DCDC1: variants seen among roughly 807,000 people sequenced by gnomAD.
The protein encoded by DCDC1 is doublecortin domain-containing protein 1.
Under a neutral mutation model 178.3 loss-of-function variants are expected in DCDC1, and 200 were observed. The ratio of observed to expected loss-of-function variants is 1.12; its 90% CI spans 1.00 to 1.26. DCDC1 has a LOEUF of 1.26. DCDC1 is among the 50% of genes most tolerant of loss of function. The pLI is 0.00. For synonymous variants in DCDC1, 690 were observed against 604.8 expected (o/e 1.14, Z -2.07); for missense variants, 1,983 against 1,749.2 (o/e 1.13, Z -2.38).
Position 31,279,082 on chromosome 11 carries a change from G to T in DCDC1, c.960+11565C>A, listed in dbSNP as rs193035080. On this transcript the variant is annotated intron_variant, in intron 7 of 38. Transcript: ENST00000684477. ...CATCATAATAATTTTGAAGTTTCCA[G>T]TCCATGAACATGGTATATCTCTTGG... Among the ~76,000 whole-genome samples, 318 of 152,226 alleles carry T rather than the reference G, an allele frequency of 2.1e-3. 2 individuals are homozygous for T. Among genetic ancestry groups the T allele is most frequent in the African/African-American group, 7.2e-3 (300 of 41,552 alleles).
Position 30,865,119 on chromosome 11 carries a change from C to G in DCDC1, c.*254G>C, listed in dbSNP as rs1464087443. On this transcript the variant is annotated 3_prime_UTR_variant, in exon 39 of 39. Coordinates refer to ENST00000684477, the MANE Select transcript of DCDC1 (RefSeq NM_001387274.1). ...GAGCAGTCTGTTAGAGTTGCATTCT[C>G]AGACTAATATCTTTACAGTCTTGAG... is the stretch of plus-strand genomic sequence containing the variant. 2 of 152,152 alleles carry G rather than the reference C, an allele frequency of 1.3e-5. No homozygotes were observed. Among genetic ancestry groups the G allele is most frequent in the Non-Finnish European group, 2.9e-5 (2 of 68,032 alleles). 9.4% of individuals were successfully genotyped at this position (152,152 alleles called of 1,614,324 possible).
chr11:31,072,606 C>T (rs1050371624), intron 18 of DCDC1, among the ~76,000 whole-genome samples: 8 of 151,936 alleles, frequency 5.3e-5, no homozygotes, highest in African/African-American at 1.9e-4. Flanking sequence ...ACGTTTAAAT[C>T]TTTAATTTAG....
intron 9 of DCDC1, among the ~76,000 whole-genome samples, chr11:31,208,994 T>C (rs915329458): frequency 6.6e-6 from 1 of 152,190 alleles, no homozygotes; most frequent in Non-Finnish European, 1.5e-5. Context: ...TTTAAGGCAA[T>C]AACTCAGCCT....
At chr11:31,114,311 A>G (rs1223669433) in intron 11 of DCDC1, among the ~76,000 whole-genome samples, 1 of 152,176 alleles carries the variant, frequency 6.6e-6, no homozygotes, top group Non-Finnish European at 1.5e-5. Context: ...GTTAAAATAC[A>G]TTACATTTGC....
At chr11:30,993,087 T>A (rs893710830) in intron 20 of DCDC1, among the ~76,000 whole-genome samples, 1 of 151,630 alleles carries the variant, frequency 6.6e-6, no homozygotes, top group Admixed American at 6.6e-5. Context: ...TGAAAAAAAA[T>A]TATATAAAAA....
intron 20 of DCDC1, among the ~76,000 whole-genome samples, chr11:31,008,832 T>C (rs1339959589): frequency 6.6e-6 from 1 of 152,152 alleles, no homozygotes; most frequent in African/African-American, 2.4e-5. Flanking sequence ...TTTTCATTTA[T>C]TGTAGAAAAT....
At chr11:31,284,440 C>T (rs1442913068) in intron 7 of DCDC1, among the ~76,000 whole-genome samples, 1 of 151,862 alleles carries the variant, frequency 6.6e-6, no homozygotes, top group African/African-American at 2.4e-5. Flanking sequence ...TCCAGAAACT[C>T]GATAAAGTTC....
At chr11:30,872,746 C>T (rs920180881) in intron 38 of DCDC1, among the ~76,000 whole-genome samples, 6 of 152,008 alleles carry the variant, frequency 3.9e-5, no homozygotes, top group Non-Finnish European at 7.4e-5. Flanking sequence ...TTAAACATGC[C>T]GTTCATTAAG....
At chr11:31,224,104 T>TA (rs1591466776) in intron 9 of DCDC1, among the ~76,000 whole-genome samples, 1 of 152,078 alleles carries the variant, frequency 6.6e-6, no homozygotes, top group African/African-American at 2.4e-5. Context: ...AGAAGTGCCT[T>TA]TAGCCTTCCT....
intron 7 of DCDC1, among the ~76,000 whole-genome samples, chr11:31,272,272 C>T (rs952292999): frequency 2.6e-5 from 4 of 151,998 alleles, no homozygotes; most frequent in Admixed American, 6.6e-5. Context: ...GTCCCTCCCA[C>T]AACATATGGA....
chr11:31,152,547 T>TA (rs1456836402), intron 9 of DCDC1, among the ~76,000 whole-genome samples: 2 of 152,214 alleles, frequency 1.3e-5, no homozygotes, highest in Non-Finnish European at 2.9e-5. Context: ...TTTCTGTGCT[T>TA]ACTAAAGTCC....
intron 18 of DCDC1, among the ~76,000 whole-genome samples, chr11:31,073,377 T>C (rs1414641511): frequency 6.7e-6 from 1 of 150,272 alleles, no homozygotes; most frequent in Non-Finnish European, 1.5e-5. Flanking sequence ...TGAAGGCACC[T>C]AAATTTGGGG....
intron 20 of DCDC1, among the ~76,000 whole-genome samples, chr11:31,059,218 A>G (rs968282731): frequency 2.6e-5 from 4 of 152,220 alleles, no homozygotes; most frequent in Middle Eastern, 3.4e-3. Flanking sequence ...AGAATGCTTG[A>G]TTTTTGACTT....
At position 31,157,386 on chromosome 11, in the gene DCDC1, TAC is replaced by T. The variant is rs1555090432; in HGVS notation, c.1222-19604_1222-19603del. 9.8e-5 allele frequency among the ~76,000 whole-genome samples: 14 copies of T among 142,730 alleles called. No homozygotes were observed. In the East Asian group the frequency reaches 2.0e-3, roughly 21 times the overall value. 93.6% of individuals were successfully genotyped at this position (142,730 alleles called of 152,430 possible). A position where few individuals can be genotyped will look rare whatever the true frequency, so the allele number is the denominator to read the frequency against. On this transcript the variant is annotated intron_variant, in intron 9 of 38. Coordinates refer to ENST00000684477, the MANE Select transcript of DCDC1 (RefSeq NM_001387274.1). The stretch of plus-strand genomic sequence containing the variant: ...AAAAAAAAAAAAATATATATATATA[TAC>T]ATATATATACACACACACACACATA...
intron 6 of DCDC1, among the ~76,000 whole-genome samples, chr11:31,292,577 C>G (rs1441585056): frequency 1.3e-5 from 2 of 151,980 alleles, no homozygotes; most frequent in Non-Finnish European, 2.9e-5. Context: ...TCTATAAAAA[C>G]AGAACATATA....
chr11:31,306,278 C>T lies in DCDC1; in HGVS notation c.545G>A (p.Gly182Glu). 1 of 1,608,606 alleles carries T rather than the reference C, an allele frequency of 6.2e-7. No homozygotes were observed. Among genetic ancestry groups the T allele is most frequent in the Non-Finnish European group, 8.5e-7 (1 of 1,177,254 alleles). The change falls in exon 5 of 39, where the codon GGA (glycine) becomes GAA (glutamate). Residue 182 changes from glycine (G) to glutamate (E), a missense_variant. Coordinates refer to ENST00000684477, the MANE Select transcript of DCDC1 (RefSeq NM_001387274.1). ...RVIKVTAYKN[G>E]SRTVFARVTV... ...AACTCTGGCAAAGACTGTTCTAGAT[C>T]CATTTTTGTAAGCTGTTACTTTAAT...
chr11:30,983,179 G>T (rs1036050039), intron 20 of DCDC1, among the ~76,000 whole-genome samples: 2 of 152,086 alleles, frequency 1.3e-5, no homozygotes, highest in Non-Finnish European at 2.9e-5. Flanking sequence ...GCTTTGCTTT[G>T]AATATTCTCT....
chr11:31,140,317 T>C (rs1963662779), intron 9 of DCDC1, among the ~76,000 whole-genome samples: 1 of 152,188 alleles, frequency 6.6e-6, no homozygotes, highest in African/African-American at 2.4e-5. Context: ...GAAAGGTGGA[T>C]AAAATTTGTA....
chr11:31,216,320 A>G (rs1011976513), intron 9 of DCDC1, among the ~76,000 whole-genome samples: 14 of 152,338 alleles, frequency 9.2e-5, no homozygotes, highest in Non-Finnish European at 1.5e-4. Context: ...AATTTATAAT[A>G]CATACATACA....
Sources: allele counts gnomAD v4.1 joint callset (sites outside exome capture counted in the v4.1 genomes callset), GRCh38; gene constraint gnomAD v4.1.1; transcripts MANE v1.5; gene names NCBI Gene and HGNC (gene_info 2026-07-23, HGNC 2026-07-21).